Variants in SMARCB1 observed in about 807,000 individuals in gnomAD.
The protein encoded by SMARCB1 is SWI/SNF related BAF chromatin remodeling complex subunit B1, also known as SWI/SNF-related matrix-associated actin-dependent regulator of chromatin subfamily B member 1.
In SMARCB1, 5 loss-of-function variants were observed where a neutral mutation model predicts 49.0. That is an observed-to-expected ratio of 0.10 (90% confidence interval 0.05 to 0.21). The LOEUF (loss-of-function observed/expected upper bound fraction) is 0.21, where lower values mean the gene tolerates loss of function less well. Among genes scored for constraint, SMARCB1 ranks in the 10% least tolerant of loss-of-function variants. SMARCB1 has a pLI of 1.00. For missense variants in SMARCB1, 226 were observed against 509.2 expected (o/e 0.44, Z 5.35); for synonymous variants, 201 against 200.1 (o/e 1.00, Z -0.04).
chr22:23,814,621 C>T (rs1375665512), intron 5 of SMARCB1, among the ~76,000 whole-genome samples: 2 of 151,420 alleles, frequency 1.3e-5, no homozygotes, highest in Non-Finnish European at 2.9e-5. Context: ...GCCGAGATCA[C>T]GCTGTTGCAA....
chr22:23,820,613 A>G (rs757389614), intron 6 of SMARCB1, among the ~76,000 whole-genome samples: 1 of 151,928 alleles, frequency 6.6e-6, no homozygotes, highest in Non-Finnish European at 1.5e-5. Context: ...CAATGAAGCC[A>G]TCAGGTCTAA....
In SMARCB1 at chr22:23,837,475, A is replaced by AT; in HGVS notation, c.*3297dup. The AT allele has an allele frequency of 1.4e-6, 1 of 694,102 alleles. No homozygotes were observed. Among genetic ancestry groups the AT allele is most frequent in the Non-Finnish European group, 2.4e-6 (1 of 419,478 alleles). The allele number at this position is 694,102 out of a possible 1,614,324, so 43.0% of individuals were successfully genotyped here. ...CAGTAGATCCGTCCTGACGATGCAAATTATGTGGGCCGGCTGGCTTGAGGG... is the reference window on the plus strand; with the variant it reads ...CAGTAGATCCGTCCTGACGATGCAAATTTATGTGGGCCGGCTGGCTTGAGGG... On this transcript the variant is annotated 3_prime_UTR_variant, in exon 9 of 9. Transcript: ENST00000644036.
In SMARCB1 at chr22:23,814,289, C is replaced by T. The variant is rs554328397; in HGVS notation, c.629-2481C>T. ...AAACAGACCCACACAAACGTGCCCT[C>T]CTGATTTTTACAAAGATGCAAATGT... On this transcript the variant is annotated intron_variant, in intron 5 of 8. Coordinates refer to ENST00000644036, the MANE Select transcript of SMARCB1 (RefSeq NM_003073.5). Among the ~76,000 whole-genome samples the T allele has an allele frequency of 1.6e-3, 243 of 152,292 alleles. 1 individual carries two copies. The highest frequency in any genetic ancestry group is 3.5e-4 in the Non-Finnish European group (24 of 68,024).
At chr22:23,816,518 A>G (rs924004507) in intron 5 of SMARCB1, 2 of 600,472 alleles carry the variant, frequency 3.3e-6, no homozygotes, top group African/African-American at 3.7e-5. Context: ...GAGTGGAATG[A>G]GGGAAGTGTT....
chr22:23,825,341 C>T lies in SMARCB1; in HGVS notation c.912C>T (p.Gly304=), dbSNP rs374509291. Residue 304 remains glycine (G), a synonymous_variant, in exon 7 of 9, where the codon GGC becomes GGT. Coordinates refer to ENST00000644036, the MANE Select transcript of SMARCB1 (RefSeq NM_003073.5). ...ALKLCSELGL[G]GEFVTTIAYS... The stretch of plus-strand genomic sequence containing the variant: ...AGCTGTGCTCGGAGCTGGGGTTGGG[C>T]GGGGAGTTTGTCACCACCATCGCAT... 23 of 1,613,948 alleles carry T rather than the reference C, an allele frequency of 1.4e-5. No individual in the cohort carries two copies. The highest frequency in any genetic ancestry group is 8.8e-5 in the South Asian group (8 of 91,090).
intron 7 of SMARCB1, among the ~76,000 whole-genome samples, chr22:23,832,346 G>A (rs1420256404): frequency 1.3e-5 from 2 of 152,208 alleles, no homozygotes; most frequent in East Asian, 1.9e-4. Flanking sequence ...CCATATTCCA[G>A]ATGAGGTTTG....
rs769544563 is a variant in SMARCB1 at position 23,836,881 on chromosome 22, G to T, written c.*2701G>T. 2 of 1,476,626 alleles carry T rather than the reference G, an allele frequency of 1.4e-6. No individual in the cohort carries two copies. The highest frequency in any genetic ancestry group is 1.8e-6 in the Non-Finnish European group (2 of 1,111,788). The allele number at this position is 1,476,626 out of a possible 1,614,324, so 91.5% of individuals were successfully genotyped here. On this transcript the variant is annotated 3_prime_UTR_variant, in exon 9 of 9. Coordinates refer to ENST00000644036, the MANE Select transcript of SMARCB1 (RefSeq NM_003073.5). ...CCCTGGGTGGGGGTCACTGCTGCGG[G>T]GGTGGCAGATGGGGTCCTGGCTGTT...
chr22:23,820,259 T>C (rs1306820205), intron 6 of SMARCB1, among the ~76,000 whole-genome samples: 3 of 152,178 alleles, frequency 2.0e-5, no homozygotes, highest in Non-Finnish European at 4.4e-5. Flanking sequence ...TTGAGAAGGA[T>C]TGGTGTTAGC....
chr22:23,803,880 T>TACAC, intron 5 of SMARCB1: 6 of 253,736 alleles, frequency 2.4e-5, no homozygotes, highest in South Asian at 5.1e-5. Flanking sequence ...AGATGCCATC[T>TACAC]CTTCTGGCTC....
At position 23,825,516 on chromosome 22, in the gene SMARCB1, G is replaced by A. The variant is rs868003456; in HGVS notation, c.986+101G>A. On this transcript the variant is annotated intron_variant, in intron 7 of 8. Coordinates refer to ENST00000644036, the MANE Select transcript of SMARCB1 (RefSeq NM_003073.5). Reference sequence around the variant, plus strand: ...GGTGATACCTTTGAGGCTTTCTCACGCTTCGCAGCACAATCTGGCTGGGGT... The same window carrying A: ...GGTGATACCTTTGAGGCTTTCTCACACTTCGCAGCACAATCTGGCTGGGGT... The A allele has an allele frequency of 3.8e-5, 39 of 1,026,480 alleles. No homozygotes were observed. In the Middle Eastern group the frequency reaches 1.2e-3, roughly 32 times the overall value. 63.6% of individuals were successfully genotyped at this position (1,026,480 alleles called of 1,614,324 possible). A position where few individuals can be genotyped will look rare whatever the true frequency, so the allele number is the denominator to read the frequency against.
At chr22:23,822,889 C>T (rs148938587) in intron 6 of SMARCB1, among the ~76,000 whole-genome samples, 4 of 151,282 alleles carry the variant, frequency 2.6e-5, no homozygotes, top group Non-Finnish European at 4.4e-5. Context: ...CTGGCACTCC[C>T]GTGCTTTCTG....
intron 6 of SMARCB1, among the ~76,000 whole-genome samples, chr22:23,821,931 G>A (rs2030109583): frequency 6.6e-6 from 1 of 152,008 alleles, no homozygotes; most frequent in Non-Finnish European, 1.5e-5. Flanking sequence ...TCGAACTCCT[G>A]GGCTCAAGCA....
intron 5 of SMARCB1, among the ~76,000 whole-genome samples, chr22:23,810,460 G>A (rs780406368): frequency 4.3e-5 from 6 of 139,646 alleles, no homozygotes; most frequent in African/African-American, 1.3e-4. Flanking sequence ...CCTGGGAGGC[G>A]GAGGTTGCAG....
At chr22:23,814,067 C>A (rs769410011) in intron 5 of SMARCB1, among the ~76,000 whole-genome samples, 4 of 152,076 alleles carry the variant, frequency 2.6e-5, no homozygotes, top group Non-Finnish European at 5.9e-5. Flanking sequence ...TGAGCTCAGG[C>A]AGTCCGCCTG....
chr22:23,802,188 C>T (rs1929197304), intron 4 of SMARCB1: 1 of 152,832 alleles, frequency 6.5e-6, no homozygotes, highest in Non-Finnish European at 1.5e-5. Context: ...CTCCCCATCA[C>T]CCTCGGAGCA....
intron 2 of SMARCB1, chr22:23,792,866 T>G (rs899574797): frequency 6.3e-6 from 1 of 159,722 alleles, no homozygotes; most frequent in Non-Finnish European, 1.4e-5. Context: ...CGCAAGTCCC[T>G]GGGCTAAGTC....
chr22:23,805,408 T>C (rs11912715), intron 5 of SMARCB1, among the ~76,000 whole-genome samples: 19,162 of 152,212 alleles, frequency 0.13, 1,298 homozygotes, highest in South Asian at 0.28. Context: ...AAGCTCCCCG[T>C]TTATCTCTGC....
intron 6 of SMARCB1, among the ~76,000 whole-genome samples, chr22:23,819,015 A>AT (rs1397060040): frequency 1.3e-5 from 2 of 151,366 alleles, no homozygotes; most frequent in Non-Finnish European, 2.9e-5. Context: ...CACCCGACTG[A>AT]TTTTTTGTAT....
intron 5 of SMARCB1, chr22:23,815,645 T>C (rs1291597858): frequency 6.6e-6 from 1 of 152,258 alleles, no homozygotes; most frequent in Admixed American, 6.5e-5. Context: ...GCAGCTTTAT[T>C]TATAATAGCG....
Sources: allele counts gnomAD v4.1 joint callset (sites outside exome capture counted in the v4.1 genomes callset), GRCh38; gene constraint gnomAD v4.1.1; transcripts MANE v1.5; gene names NCBI Gene and HGNC (gene_info 2026-07-23, HGNC 2026-07-21).